The following FTCD variants were observed in gnomAD, a reference collection of about 807,000 sequenced individuals.
FTCD encodes formimidoyltransferase cyclodeaminase.
In FTCD, 76 loss-of-function variants were observed where a neutral mutation model predicts 62.9. That is an observed-to-expected ratio of 1.21 (90% confidence interval 1.00 to 1.46). FTCD has a LOEUF of 1.46. Among genes scored for constraint, FTCD ranks in the 40% most tolerant of loss-of-function variants. FTCD has a pLI of 0.00. For missense variants in FTCD, 845 were observed against 751.3 expected (o/e 1.12, Z -1.46); for synonymous variants, 397 against 336.9 (o/e 1.18, Z -1.95).
rs775372269 is a variant in FTCD at position 46,150,398 on chromosome 21, C to T, written c.764G>A (p.Arg255Gln). The change falls in exon 6 of 14, where the codon CGA becomes CAA. Residue 255 changes from arginine (R) to glutamine (Q), a missense_variant. Physicochemically the swap from Arg to Gln is conservative, Grantham distance 43. Transcript: ENST00000397746. ...TGCTCCCGGGCTCACCTGTGCTTCT[C>T]GGCAGGTCTCCTCGTAGACCGTGTG... ...ALHTVYEETC[R>Q]EAQELSLPVV... 19 of 1,612,792 alleles carry T rather than the reference C, an allele frequency of 1.2e-5. No individual in the cohort carries two copies. The highest frequency in any genetic ancestry group is 1.1e-4 in the East Asian group (5 of 44,880).
At chr21:46,136,748 T>C, downstream of FTCD, 4 of 1,489,376 alleles carry the variant, frequency 2.7e-6, no homozygotes, top group South Asian at 5.5e-5. Flanking sequence ...CTCTCAGCCC[T>C]GCCCCCAAAA....
chr21:46,154,279 C>T lies in FTCD; in HGVS notation c.108G>A (p.Leu36=), dbSNP rs761579496. 1.9e-6 allele frequency: 3 copies of T among 1,612,330 alleles called. No individual in the cohort carries two copies. The highest frequency in any genetic ancestry group is 1.1e-5 in the South Asian group (1 of 91,046). The part of the protein sequence containing the change: ...AITQTPGCVL[L]DVDAGPSTNR... ...TGGTGGAAGGGCCTGCGTCCACATC[C>T]AGCAGCACGCAGCCCGGGGTCTGTG... is the stretch of plus-strand genomic sequence containing the variant. Residue 36 remains leucine (L), a synonymous_variant, in exon 2 of 14, where the codon CTG becomes CTA. Transcript: ENST00000397746.
At chr21:46,154,483 A>C (rs2079383321) in intron 1 of FTCD, 151 bp from the exon 2 acceptor site, 3 of 974,190 alleles carry the variant, frequency 3.1e-6, no homozygotes, top group South Asian at 1.4e-5. Context: ...CTCCCACCGA[A>C]AGTGCCCGCA....
rs1000234163 is a variant in FTCD, at chr21:46,145,573, C to T, written c.1104G>A (p.Ala368=). The T allele has an allele frequency of 1.3e-6, 2 of 1,538,504 alleles. No individual in the cohort carries two copies. Among genetic ancestry groups the T allele is most frequent in the African/African-American group, 1.4e-5 (1 of 72,730 alleles). The change falls in exon 10 of 14, where the codon GCG becomes GCA. Residue 368 remains alanine, a synonymous_variant. Coordinates refer to ENST00000397746, the MANE Select transcript of FTCD (RefSeq NM_206965.2). ...SVAAAAAAMG[A]ALGSMVGLMT... The stretch of plus-strand genomic sequence containing the variant: ...TGAGGCCCACCATGGAGCCCAGCGC[C>T]GCACCCTGCGAGAGGGGTGGATGTG...
At chr21:46,151,851 T>A in intron 4 of FTCD, 41 bp downstream of exon 4, 1 of 1,551,480 alleles carries the variant, frequency 6.4e-7, no homozygotes, top group South Asian at 1.2e-5. Flanking sequence ...AAGGGGCAGG[T>A]CCACCTCCTT....
intron 12 of FTCD, among the ~76,000 whole-genome samples, 162 bp from the exon 13 acceptor site, chr21:46,137,496 C>A (rs2078897546): frequency 6.6e-6 from 1 of 152,208 alleles, no homozygotes; most frequent in African/African-American, 2.4e-5. Context: ...CTAAGCCCCA[C>A]CACTGAGCTT....
chr21:46,149,654 C>T (rs921999235), intron 7 of FTCD, among the ~76,000 whole-genome samples: 2 of 152,308 alleles, frequency 1.3e-5, no homozygotes, highest in African/African-American at 4.8e-5. Flanking sequence ...CCTGAGGCCC[C>T]GGTGGAACCC....
intron 1 of FTCD, among the ~76,000 whole-genome samples, chr21:46,154,558 A>G (rs2079385390): frequency 6.6e-6 from 1 of 152,124 alleles, no homozygotes; most frequent in Non-Finnish European, 1.5e-5. Flanking sequence ...CAGTCCCCAC[A>G]AGGGGCTGCA....
intron 7 of FTCD, among the ~76,000 whole-genome samples, 193 bp downstream of exon 7, chr21:46,149,924 CAT>C (rs2079226356): frequency 6.6e-6 from 1 of 151,968 alleles, no homozygotes; most frequent in Admixed American, 6.6e-5. Context: ...CACAGCTGAG[CAT>C]ATCATAGGTC....
At chr21:46,137,619 CAA>C (rs3057172) in intron 12 of FTCD, among the ~76,000 whole-genome samples, 76,840 of 151,832 alleles carry the variant, frequency 0.51, 19,892 homozygotes, top group East Asian at 0.77. Flanking sequence ...GTTCTAGAGA[CAA>C]AGTCATCCCC....
rs754438263 is a variant in FTCD, at chr21:46,145,456, C to A, written c.1221G>T (p.Thr407=). Residue 407 remains threonine, a synonymous_variant, in exon 10 of 14, where the codon ACG becomes ACT. Transcript: ENST00000397746. The part of the protein sequence containing the change: ...PFREASAKLT[T]LVDADAEAFT... The stretch of plus-strand genomic sequence containing the variant: ...AGGCCTCGGCGTCGGCATCCACCAG[C>A]GTGGTTAGCTTGGCCGAAGCCTCGC... 1 of 1,560,432 alleles carries A rather than the reference C, an allele frequency of 6.4e-7. No individual in the cohort carries two copies. The highest frequency in any genetic ancestry group is 1.2e-5 in the South Asian group (1 of 84,718).
rs2079328958 is a variant in FTCD at position 46,152,896 on chromosome 21, G to GGCACGCTCACCTGGCAC, written c.361_367+10dup. On this transcript the variant is annotated intron_variant, in intron 3 of 13. Transcript: ENST00000397746. The stretch of plus-strand genomic sequence containing the variant: ...GGGAGCAGAGTGAGGGGGGCGGGGG[G>GGCACGCTCACCTGGCAC]GCACGCTCACCTGGCACGTCCAGCT... 6.4e-7 allele frequency: 1 copy of GGCACGCTCACCTGGCAC among 1,553,314 alleles called. No individual in the cohort carries two copies. Among genetic ancestry groups the GGCACGCTCACCTGGCAC allele is most frequent in the East Asian group, 2.3e-5 (1 of 43,054 alleles).
chr21:46,139,864 C>A (rs2078956018), intron 10 of FTCD, among the ~76,000 whole-genome samples: 1 of 152,168 alleles, frequency 6.6e-6, no homozygotes, highest in African/African-American at 2.4e-5. Context: ...GCGACTCGCG[C>A]TACGAACACT....
intron 8 of FTCD, 60 bp from the exon 9 acceptor site, chr21:46,146,007 C>G: frequency 9.4e-7 from 1 of 1,068,748 alleles, no homozygotes; most frequent in Non-Finnish European, 1.3e-6. Flanking sequence ...GCGCAGTCCT[C>G]CCGGGGCGGC....
chr21:46,137,909 G>C (rs1433419419), intron 12 of FTCD, among the ~76,000 whole-genome samples: 1 of 152,178 alleles, frequency 6.6e-6, no homozygotes, highest in Non-Finnish European at 1.5e-5. Flanking sequence ...GTGTTTTGTT[G>C]TTTTTGACCC....
chr21:46,139,117 C>G, intron 10 of FTCD, 194 bp from the exon 11 acceptor site: 106 of 565,372 alleles, frequency 1.9e-4, no homozygotes, highest in Middle Eastern at 4.7e-4. Flanking sequence ...TAGGGGGGGT[C>G]GGGGCACACA....
chr21:46,136,285 T>G, downstream of FTCD: 1 of 626,598 alleles, frequency 1.6e-6, no homozygotes, highest in Non-Finnish European at 2.8e-6. Flanking sequence ...TATTTTTTAA[T>G]GGAGAACTTC....
Position 46,136,853 on chromosome 21 carries a change from G to A in FTCD, c.*134C>T, listed in dbSNP as rs1361176924. 6 of 1,553,280 alleles carry A rather than the reference G, an allele frequency of 3.9e-6. No individual in the cohort carries two copies. The highest frequency in any genetic ancestry group is 5.2e-6 in the Non-Finnish European group (6 of 1,148,734). ...TCCCTGCCAGCGCCTCCATTCCCAGGCGATGCCCCGCTGCCTGCCCACCTA... is the reference window on the plus strand; with the variant it reads ...TCCCTGCCAGCGCCTCCATTCCCAGACGATGCCCCGCTGCCTGCCCACCTA... On this transcript the variant is annotated 3_prime_UTR_variant, in exon 14 of 14. Transcript: ENST00000397746.
intron 10 of FTCD, among the ~76,000 whole-genome samples, chr21:46,144,282 C>G (rs1039042544): frequency 6.6e-6 from 1 of 151,092 alleles, no homozygotes; most frequent in East Asian, 2.0e-4. Context: ...TTCTCTTTGT[C>G]TTGTGTCTTT....
Sources: gnomAD v4.1 joint callset for allele counts (sites outside exome capture counted in the v4.1 genomes callset) on GRCh38, gnomAD v4.1.1 for gene constraint, MANE v1.5 for transcripts, NCBI Gene and HGNC (gene_info 2026-07-23, HGNC 2026-07-21) for gene names.